Variants in MIR2052HG observed in about 807,000 individuals in gnomAD.
MIR2052HG encodes MIR2052 host gene.
At chr8:74,630,854 C>T (rs1808501668) in intron 2 of MIR2052HG, among the ~76,000 whole-genome samples, 6 of 152,200 alleles carry the variant, frequency 3.9e-5, no homozygotes, top group Admixed American at 3.9e-4. Flanking sequence ...TAGCCTACTT[C>T]ATTTGATCCT....
chr8:74,663,405 C>T (rs1296181277), intron 2 of MIR2052HG, among the ~76,000 whole-genome samples: 1 of 152,086 alleles, frequency 6.6e-6, no homozygotes, highest in African/African-American at 2.4e-5. Context: ...TTTACCTATC[C>T]CAAATTTGTA....
chr8:74,732,964 T>A (rs1268295881), intron 4 of MIR2052HG, among the ~76,000 whole-genome samples: 1 of 152,206 alleles, frequency 6.6e-6, no homozygotes, highest in African/African-American at 2.4e-5. Context: ...GCACATAAGA[T>A]GGATGTTATC....
chr8:74,684,654 T>C (rs969796166), intron 2 of MIR2052HG, among the ~76,000 whole-genome samples: 10 of 152,106 alleles, frequency 6.6e-5, no homozygotes, highest in Non-Finnish European at 1.3e-4. Context: ...GAAAAGACTT[T>C]CATTGTTTTT....
chr8:74,728,391 T>A (rs1809657454), intron 4 of MIR2052HG, among the ~76,000 whole-genome samples: 1 of 152,188 alleles, frequency 6.6e-6, no homozygotes, highest in African/African-American at 2.4e-5. Context: ...TTCTTTGTTT[T>A]CTGAAAGTAA....
chr8:74,604,223 C>T (rs1214117088), intron 1 of MIR2052HG: 3 of 902,936 alleles, frequency 3.3e-6, no homozygotes, highest in African/African-American at 3.3e-5. Context: ...TTTAATCCAC[C>T]TTCAATCACA....
intron 2 of MIR2052HG, among the ~76,000 whole-genome samples, chr8:74,657,320 T>C (rs1224968780): frequency 3.3e-5 from 5 of 152,194 alleles, no homozygotes; most frequent in African/African-American, 7.2e-5. Context: ...AAATGAAGTT[T>C]AGAGTTTTGT....
At chr8:74,701,585 C>A (rs1361837301) in intron 2 of MIR2052HG, among the ~76,000 whole-genome samples, 1 of 152,056 alleles carries the variant, frequency 6.6e-6, no homozygotes, top group African/African-American at 2.4e-5. Flanking sequence ...ATGACATTGG[C>A]TCTTTTCTTG....
chr8:74,626,074 C>T (rs1390194003), intron 2 of MIR2052HG, among the ~76,000 whole-genome samples: 1 of 152,180 alleles, frequency 6.6e-6, no homozygotes, highest in East Asian at 1.9e-4. Flanking sequence ...ACAGGACCGT[C>T]TCCAGCAGCC....
At chr8:74,630,013 G>T (rs2128733958) in intron 2 of MIR2052HG, among the ~76,000 whole-genome samples, 1 of 152,278 alleles carries the variant, frequency 6.6e-6, no homozygotes, top group South Asian at 2.1e-4. Context: ...TGAAGAAGGA[G>T]AAAACATAAT....
intron 2 of MIR2052HG, among the ~76,000 whole-genome samples, chr8:74,649,332 A>G (rs1035505294): frequency 9.2e-5 from 14 of 152,186 alleles, no homozygotes; most frequent in Non-Finnish European, 1.9e-4. Flanking sequence ...TCGGTTTTGC[A>G]TTTTTGTGTG....
intron 2 of MIR2052HG, among the ~76,000 whole-genome samples, chr8:74,639,116 A>T (rs1422860031): frequency 6.6e-6 from 1 of 152,190 alleles, no homozygotes; most frequent in Non-Finnish European, 1.5e-5. Context: ...AGTAGCCTTG[A>T]GATCCACATT....
At chr8:74,647,378 T>A (rs1808700158) in intron 2 of MIR2052HG, among the ~76,000 whole-genome samples, 1 of 152,204 alleles carries the variant, frequency 6.6e-6, no homozygotes, top group Non-Finnish European at 1.5e-5. Flanking sequence ...ACAAGGTGGT[T>A]TGAGGCTCAA....
At chr8:74,603,803 T>C in intron 1 of MIR2052HG, 1 of 839,924 alleles carries the variant, frequency 1.2e-6, no homozygotes, top group Non-Finnish European at 2.1e-6. Context: ...ATGCCAGCAA[T>C]AGTGATGGCC....
chr8:74,718,326 T>C (rs1322334005), intron 4 of MIR2052HG, among the ~76,000 whole-genome samples: 2 of 152,068 alleles, frequency 1.3e-5, no homozygotes, highest in Non-Finnish European at 2.9e-5. Context: ...TTTTCTTTTA[T>C]ATTCTCATCT....
chr8:74,616,348 T>G (rs1360441877), intron 2 of MIR2052HG, among the ~76,000 whole-genome samples: 2 of 150,484 alleles, frequency 1.3e-5, no homozygotes, highest in Admixed American at 1.3e-4. Context: ...TTGATTTGCA[T>G]TTCTCTGATG....
intron 4 of MIR2052HG, among the ~76,000 whole-genome samples, chr8:74,704,805 C>A (rs1809393254): frequency 1.3e-5 from 2 of 152,064 alleles, no homozygotes; most frequent in African/African-American, 4.8e-5. Flanking sequence ...GGAAGAACTT[C>A]AGGAGGCAGA....
intron 1 of MIR2052HG, chr8:74,604,062 A>C (rs879158629): frequency 1.6e-5 from 15 of 950,936 alleles, no homozygotes; most frequent in South Asian, 5.1e-5. Context: ...CAGGTCCAGC[A>C]AAAGTGATAA....
chr8:74,644,042 A>G (rs1030138872), intron 2 of MIR2052HG, among the ~76,000 whole-genome samples: 2 of 152,178 alleles, frequency 1.3e-5, no homozygotes, highest in African/African-American at 4.8e-5. Flanking sequence ...TTTCCTGCAT[A>G]AATATTTCTT....
At chr8:74,668,846 A>C (rs1173688398) in intron 2 of MIR2052HG, among the ~76,000 whole-genome samples, 1 of 152,218 alleles carries the variant, frequency 6.6e-6, no homozygotes, top group Non-Finnish European at 1.5e-5. Context: ...CCTTGAACTC[A>C]GAAGACTTGC....
Sources: gnomAD v4.1 joint callset for allele counts (sites outside exome capture counted in the v4.1 genomes callset) on GRCh38, gnomAD v4.1.1 for gene constraint, MANE v1.5 for transcripts, NCBI Gene and HGNC (gene_info 2026-07-23, HGNC 2026-07-21) for gene names.